PALM2AKAP2: variants seen among roughly 807,000 people sequenced by gnomAD.
PALM2AKAP2 encodes the protein PALM2-AKAP2 fusion protein.
Under a neutral mutation model 71.5 loss-of-function variants are expected in PALM2AKAP2, and 37 were observed. That is an observed-to-expected ratio of 0.52 (90% CI 0.40 to 0.68). The LOEUF (loss-of-function observed/expected upper bound fraction) is 0.68, where lower values mean the gene tolerates loss of function less well. Among genes scored for constraint, PALM2AKAP2 ranks in the 30% least tolerant of loss-of-function variants. The pLI is 0.00. For missense variants in PALM2AKAP2, 1,224 were observed against 1,191.8 expected (o/e 1.03, Z -0.40); for synonymous variants, 468 against 478.8 (o/e 0.98, Z 0.29).
chr9:109,877,713 T>A (rs1460363713), intron 2 of PALM2AKAP2, among the ~76,000 whole-genome samples: 2 of 152,160 alleles, frequency 1.3e-5, no homozygotes, highest in Admixed American at 6.5e-5. Flanking sequence ...ATTTTACAGA[T>A]GAGAAAACTG....
At chr9:109,893,603 A>G (rs1830135553) in intron 3 of PALM2AKAP2, among the ~76,000 whole-genome samples, 1 of 152,018 alleles carries the variant, frequency 6.6e-6, no homozygotes, top group Non-Finnish European at 1.5e-5. Flanking sequence ...GTGCCACCAC[A>G]CCCAGCTAAT....
At chr9:109,860,073 A>C (rs1829269668) in intron 1 of PALM2AKAP2, among the ~76,000 whole-genome samples, 1 of 152,210 alleles carries the variant, frequency 6.6e-6, no homozygotes, top group Non-Finnish European at 1.5e-5. Flanking sequence ...CAGGAGAGTG[A>C]GTTTTAATAT....
chr9:109,832,261 G>A (rs1182408146), intron 1 of PALM2AKAP2, among the ~76,000 whole-genome samples: 2 of 152,370 alleles, frequency 1.3e-5, no homozygotes, highest in South Asian at 2.1e-4. Flanking sequence ...CTACGTTCAA[G>A]TCCTCTCTGA....
chr9:110,158,480 C>A (rs1356601030), intron 3 of PALM2AKAP2, among the ~76,000 whole-genome samples: 1 of 152,186 alleles, frequency 6.6e-6, no homozygotes, highest in Admixed American at 6.5e-5. Flanking sequence ...ATACTCCATA[C>A]AGAAGGGTAG....
At chr9:110,053,963 G>A (rs1469788412) in intron 1 of PALM2AKAP2, among the ~76,000 whole-genome samples, 1 of 152,198 alleles carries the variant, frequency 6.6e-6, no homozygotes, top group Non-Finnish European at 1.5e-5. Flanking sequence ...CAGATGGGGT[G>A]GCAAGGCCAA....
chr9:110,101,920 C>T (rs1835010244), intron 1 of PALM2AKAP2, among the ~76,000 whole-genome samples: 1 of 152,224 alleles, frequency 6.6e-6, no homozygotes, highest in Non-Finnish European at 1.5e-5. Context: ...TCCCAGATTA[C>T]TCCTGCCACC....
exon 2 of PALM2AKAP2, chr9:110,136,573 T>C: frequency 6.2e-7 from 1 of 1,613,476 alleles, no homozygotes. Context: ...GGCAGGCACC[T>C]CCTCACATCG....
intron 6 of PALM2AKAP2, chr9:109,946,792 TA>T (rs1233307181): frequency 6.8e-6 from 1 of 147,970 alleles, no homozygotes; most frequent in Non-Finnish European, 1.5e-5. Flanking sequence ...TGTATACAAA[TA>T]GATTTTCAAT....
chr9:109,758,128 C>G (rs114878277), intron 1 of PALM2AKAP2, among the ~76,000 whole-genome samples: 1 of 152,082 alleles, frequency 6.6e-6, no homozygotes, highest in Non-Finnish European at 1.5e-5. Context: ...ACATACTGCA[C>G]ACTATTCTGC....
chr9:110,126,837 A>G (rs1198985735), intron 1 of PALM2AKAP2, among the ~76,000 whole-genome samples: 1 of 152,096 alleles, frequency 6.6e-6, no homozygotes, highest in Non-Finnish European at 1.5e-5. Flanking sequence ...ACACCTTAAC[A>G]TTTTCCAGAT....
intron 1 of PALM2AKAP2, among the ~76,000 whole-genome samples, chr9:109,741,033 G>A (rs552973121): frequency 6.6e-6 from 1 of 152,290 alleles, no homozygotes; most frequent in African/African-American, 2.4e-5. Context: ...TCTCAAATTT[G>A]TTTTGAAGGT....
chr9:109,733,756 A>C (rs968006348), intron 1 of PALM2AKAP2, among the ~76,000 whole-genome samples: 6 of 152,198 alleles, frequency 3.9e-5, no homozygotes, highest in Admixed American at 3.3e-4. Context: ...TCTGAAAATC[A>C]TCAGGGATTC....
intron 1 of PALM2AKAP2, among the ~76,000 whole-genome samples, chr9:110,074,973 A>T (rs1028729083): frequency 6.6e-6 from 1 of 152,194 alleles, no homozygotes; most frequent in Non-Finnish European, 1.5e-5. Context: ...ACTGCACTCC[A>T]GCCTGAGCGA....
intron 6 of PALM2AKAP2, among the ~76,000 whole-genome samples, chr9:109,984,910 C>T (rs1588044820): frequency 6.6e-6 from 1 of 152,156 alleles, no homozygotes; most frequent in Non-Finnish European, 1.5e-5. Context: ...CGTGGTGGCT[C>T]ACGCCTGTAA....
rs551236110 is a variant in PALM2AKAP2 at position 109,706,915 on chromosome 9, G to A, written c.5+66049G>A. On this transcript the variant is annotated intron_variant, in intron 1 of 6. Transcript: ENST00000374531. ...CTAGAGCTGAGTGTGGGCTGGGGTG[G>A]GAAGTGACTACTAAGGGTATTTTGG... is the stretch of plus-strand genomic sequence containing the variant. 3.9e-5 allele frequency among the ~76,000 whole-genome samples: 6 copies of A among 152,196 alleles called. No homozygotes were observed. The East Asian group carries it at 7.7e-4, about 20-fold the overall frequency.
Position 109,860,433 on chromosome 9 carries a change from T to G in PALM2AKAP2, c.46-7058T>G, listed in dbSNP as rs75367720. Among the ~76,000 whole-genome samples, 788 of 152,298 alleles carry G rather than the reference T, an allele frequency of 5.2e-3. 8 individuals are homozygous for G. The highest frequency in any genetic ancestry group is 0.041 in the East Asian group (213 of 5,172). On this transcript the variant is annotated intron_variant, in intron 1 of 9. Transcript: ENST00000302798. ...CTCAAAATGTCACCTTATTTCTTGG[T>G]GTAACCCAGATAAAACCTAGGTATC...
chr9:109,994,913 G>T (rs888750551), intron 6 of PALM2AKAP2, among the ~76,000 whole-genome samples: 1 of 152,126 alleles, frequency 6.6e-6, no homozygotes, highest in African/African-American at 2.4e-5. Context: ...TCTATGCCTT[G>T]ACCTGGTGGT....
chr9:110,053,844 A>G (rs999618316), intron 1 of PALM2AKAP2, among the ~76,000 whole-genome samples: 2 of 152,222 alleles, frequency 1.3e-5, no homozygotes, highest in Non-Finnish European at 2.9e-5. Context: ...ATGCCAGGGA[A>G]GGAGAGAGAC....
At chr9:110,164,577 C>A (rs1426714484) in intron 3 of PALM2AKAP2, among the ~76,000 whole-genome samples, 1 of 145,600 alleles carries the variant, frequency 6.9e-6, no homozygotes, top group Non-Finnish European at 1.5e-5. Context: ...GTCACCCAGG[C>A]TGAAGTACAG....
Sources: gnomAD v4.1 joint callset for allele counts (sites outside exome capture counted in the v4.1 genomes callset) on GRCh38, gnomAD v4.1.1 for gene constraint, MANE v1.5 for transcripts, NCBI Gene and HGNC (gene_info 2026-07-23, HGNC 2026-07-21) for gene names.